Variants in CDC42BPA observed in about 807,000 individuals in gnomAD.
CDC42BPA encodes CDC42 binding protein kinase alpha.
In CDC42BPA, 80 loss-of-function variants were observed where a neutral mutation model predicts 223.5. The ratio of observed to expected loss-of-function variants is 0.36; its 90% confidence interval spans 0.30 to 0.43. The LOEUF is 0.43. Among genes scored for constraint, CDC42BPA ranks in the 20% least tolerant of loss-of-function variants. The probability of loss-of-function intolerance (pLI) is 1.00; values close to 1 mark genes in which losing one functional copy is unlikely to be tolerated. For synonymous variants in CDC42BPA, 694 were observed against 718.6 expected (o/e 0.97, Z 0.55); for missense variants, 1,743 against 2,099.9 (o/e 0.83, Z 3.32).
chr1:227,079,333 CT>C (rs1680164836), intron 17 of CDC42BPA, among the ~76,000 whole-genome samples: 1 of 152,178 alleles, frequency 6.6e-6, no homozygotes, highest in Admixed American at 6.5e-5. Flanking sequence ...TCTATTAACC[CT>C]TTCTACAAAG....
chr1:227,082,984 G>A (rs1681031727), intron 16 of CDC42BPA, among the ~76,000 whole-genome samples: 1 of 151,978 alleles, frequency 6.6e-6, no homozygotes, highest in African/African-American at 2.4e-5. Context: ...TTTTATGTTG[G>A]TTGGTTTCTG....
intron 10 of CDC42BPA, among the ~76,000 whole-genome samples, chr1:227,135,827 C>A (rs1658389913): frequency 8.7e-6 from 1 of 114,436 alleles, no homozygotes; most frequent in Admixed American, 1.1e-4. Context: ...GCACTCCAGC[C>A]TGGGCGACAG....
In CDC42BPA at chr1:227,184,310, G is replaced by A. The variant is rs149565111; in HGVS notation, c.599+9476C>T. On this transcript the variant is annotated intron_variant, in intron 5 of 36. Transcript: ENST00000366766. ...AATATTTTCTTCCAACAGTTTTATA[G>A]TTTTATGTTGTACATTTAAATCCAT... is the stretch of plus-strand genomic sequence containing the variant. Among the ~76,000 whole-genome samples, 654 of 151,416 alleles carry A rather than the reference G, an allele frequency of 4.3e-3. 5 individuals are homozygous for A. The highest frequency in any genetic ancestry group is 7.1e-3 in the Non-Finnish European group (480 of 67,836).
At chr1:226,996,942 G>C (rs1215484522) in intron 35 of CDC42BPA, among the ~76,000 whole-genome samples, 1 of 152,208 alleles carries the variant, frequency 6.6e-6, no homozygotes, top group African/African-American at 2.4e-5. Flanking sequence ...TCTTTGCTAG[G>C]TTTTGGTATC....
intron 1 of CDC42BPA, among the ~76,000 whole-genome samples, chr1:227,258,399 T>C (rs1572685281): frequency 6.6e-6 from 1 of 150,952 alleles, no homozygotes; most frequent in East Asian, 1.9e-4. Context: ...ATTATACCTA[T>C]TGACTATTCT....
chr1:227,051,826 C>T, intron 22 of CDC42BPA, 55 bp downstream of exon 22: 1 of 1,002,266 alleles, frequency 1.0e-6, no homozygotes, highest in Non-Finnish European at 1.4e-6. Context: ...TATTCAATTC[C>T]CTCTTTTCTG....
chr1:226,992,536 A>G lies in CDC42BPA; in HGVS notation c.*1732T>C, dbSNP rs1399403043. On this transcript the variant is annotated 3_prime_UTR_variant, in exon 37 of 37. Transcript: ENST00000366766. ...CATGGTGGCCACCTCAGTGACACGCAGGTCACCTCAGTGACACAGACGTGG... is the reference window on the plus strand; with the variant it reads ...CATGGTGGCCACCTCAGTGACACGCGGGTCACCTCAGTGACACAGACGTGG... The G allele has an allele frequency of 6.6e-6, 1 of 152,314 alleles. No homozygotes were observed. Among genetic ancestry groups the G allele is most frequent in the East Asian group, 1.9e-4 (1 of 5,192 alleles). The allele number at this position is 152,314 out of a possible 1,614,324, so 9.4% of individuals were successfully genotyped here. A position where few individuals can be genotyped will look rare whatever the true frequency, so the allele number is the denominator to read the frequency against.
At chr1:227,108,891 T>TAGCC (rs1159218013) in intron 14 of CDC42BPA, among the ~76,000 whole-genome samples, 1 of 152,146 alleles carries the variant, frequency 6.6e-6, no homozygotes, top group East Asian at 1.9e-4. Flanking sequence ...CTATATGGTA[T>TAGCC]AGCCTATTGC....
chr1:227,211,918 C>CA (rs1017233125), intron 3 of CDC42BPA, among the ~76,000 whole-genome samples: 9 of 151,258 alleles, frequency 6.0e-5, no homozygotes, highest in East Asian at 1.9e-4. Context: ...TATATAAAAA[C>CA]AAAAAAAATG....
intron 2 of CDC42BPA, among the ~76,000 whole-genome samples, chr1:227,223,900 T>C (rs771175234): frequency 6.6e-6 from 1 of 152,192 alleles, no homozygotes; most frequent in East Asian, 1.9e-4. Flanking sequence ...CTGTACAGTA[T>C]TGCTAGATGA....
At chr1:227,023,458 T>A in intron 31 of CDC42BPA, 111 bp from the exon 32 acceptor site, 1 of 520,534 alleles carries the variant, frequency 1.9e-6, no homozygotes. Flanking sequence ...TTTATCTACT[T>A]CAAAATGCAG....
rs905495902 is a variant in CDC42BPA, at chr1:227,065,655, A to G, written c.2904+4122T>C. Among the ~76,000 whole-genome samples, 3 of 152,228 alleles carry G rather than the reference A, an allele frequency of 2.0e-5. No individual in the cohort carries two copies. The East Asian group carries it at 5.8e-4, about 29-fold the overall frequency. On this transcript the variant is annotated intron_variant, in intron 21 of 36. Coordinates refer to ENST00000366766, the MANE Select transcript of CDC42BPA (RefSeq NM_001394014.1). ...AATAGGGATGGGAACATTTTAACTT[A>G]AAACCGTACTGTTTTAAATAAAGTA...
intron 2 of CDC42BPA, chr1:227,235,178 T>C (rs1049395859): frequency 2.0e-5 from 3 of 152,160 alleles, no homozygotes; most frequent in Non-Finnish European, 4.4e-5. Context: ...ACCTACACCA[T>C]CTGCAGCCTG....
intron 5 of CDC42BPA, among the ~76,000 whole-genome samples, chr1:227,169,846 C>T (rs974380681): frequency 3.3e-5 from 5 of 152,148 alleles, no homozygotes; most frequent in African/African-American, 2.4e-5. Context: ...CTGTGAGGGC[C>T]GTAGCCCAGA....
intron 34 of CDC42BPA, among the ~76,000 whole-genome samples, chr1:227,014,570 GT>G (rs142094209): frequency 4.6e-5 from 7 of 151,526 alleles, no homozygotes; most frequent in South Asian, 2.1e-4. Context: ...TTTAAAAGGC[GT>G]TTTTTTTAAT....
At position 227,023,905 on chromosome 1, in the gene CDC42BPA, G is replaced by C. The variant is rs112662153; in HGVS notation, c.4531-558C>G. Among the ~76,000 whole-genome samples, 229 of 152,272 alleles carry C rather than the reference G, an allele frequency of 1.5e-3. 2 individuals are homozygous for C. The highest frequency in any genetic ancestry group is 1.6e-3 in the Non-Finnish European group (110 of 68,004). Reference sequence around the variant, plus strand: ...TTTTTTAAAAAAGGTAAAATGTTTGGAGGAGAATAGAATGTATCTTATGAC... The same window carrying C: ...TTTTTTAAAAAAGGTAAAATGTTTGCAGGAGAATAGAATGTATCTTATGAC... On this transcript the variant is annotated intron_variant, in intron 31 of 36. Coordinates refer to ENST00000366766, the MANE Select transcript of CDC42BPA (RefSeq NM_001394014.1).
chr1:227,285,713 C>T (rs1688697867), intron 1 of CDC42BPA, among the ~76,000 whole-genome samples: 1 of 152,132 alleles, frequency 6.6e-6, no homozygotes, highest in South Asian at 2.1e-4. Context: ...GAATAAAATC[C>T]ACAAAATCTC....
At chr1:227,089,948 A>C (rs983362006) in intron 16 of CDC42BPA, among the ~76,000 whole-genome samples, 1 of 152,194 alleles carries the variant, frequency 6.6e-6, no homozygotes, top group Non-Finnish European at 1.5e-5. Flanking sequence ...AGAATCTTAA[A>C]ATTCTGTCTT....
At position 227,129,103 on chromosome 1, in the gene CDC42BPA, AT is replaced by A; in HGVS notation, c.1513+5del. The A allele has an allele frequency of 7.2e-7, 1 of 1,392,832 alleles. No individual in the cohort carries two copies. Among genetic ancestry groups the A allele is most frequent in the Non-Finnish European group, 1.0e-6 (1 of 995,722 alleles). 86.3% of individuals were successfully genotyped at this position (1,392,832 alleles called of 1,614,324 possible). On this transcript the variant is annotated splice_donor_5th_base_variant and intron_variant, in intron 11 of 36. Coordinates refer to ENST00000366766, the MANE Select transcript of CDC42BPA (RefSeq NM_001394014.1). ...ATTGAATTAACAGTGAATCACAGAT[AT>A]TTACCTGTTACTTGTTTTCTTAGTT...
Sources: allele counts gnomAD v4.1 joint callset (sites outside exome capture counted in the v4.1 genomes callset), GRCh38; gene constraint gnomAD v4.1.1; transcripts MANE v1.5; gene names NCBI Gene and HGNC (gene_info 2026-07-23, HGNC 2026-07-21).